The following PXDN variants were observed in gnomAD, a reference collection of about 807,000 sequenced individuals.
The protein encoded by PXDN is peroxidasin homolog.
In PXDN, 77 loss-of-function variants were observed where a neutral mutation model predicts 140.3. The observed-to-expected ratio is 0.55, with a 90% CI of 0.46 to 0.66. The LOEUF (loss-of-function observed/expected upper bound fraction) is 0.66, where lower values mean the gene tolerates loss of function less well. Ranked by LOEUF, PXDN falls within the 30% of genes least tolerant of loss-of-function variation. PXDN has a pLI of 0.00. For synonymous variants in PXDN, 911 were observed against 857.4 expected, an observed-to-expected ratio of 1.06 and a Z score of -1.09; for missense variants, 1,838 against 2,039.5, an observed-to-expected ratio of 0.90 and a Z score of 1.90.
Position 1,643,489 on chromosome 2 carries a change from G to A in PXDN, c.3831C>T (p.Asn1277=), listed in dbSNP as rs369595643. 88 of 1,613,854 alleles carry A rather than the reference G, an allele frequency of 5.5e-5. No individual in the cohort carries two copies. The highest frequency in any genetic ancestry group is 1.6e-4 in the East Asian group (7 of 44,870). ...QTSLARILCD[N]ADNITRVQSD... ...TCTGCACCCGGGTGATGTTGTCCGC[G>A]TTGTCGCATAGGATCCTGGCCAGCG... Residue 1277 remains asparagine, a synonymous_variant, in exon 19 of 23, where the codon AAC becomes AAT. Coordinates refer to ENST00000252804, the MANE Select transcript of PXDN (RefSeq NM_012293.3).
At chr2:1,677,184 A>G in intron 7 of PXDN, 140 bp from the exon 8 acceptor site, 1 of 752,430 alleles carries the variant, frequency 1.3e-6, no homozygotes, top group Middle Eastern at 3.1e-4. Flanking sequence ...CATCCCCCAC[A>G]AAAGTGCCAG....
chr2:1,666,398 G>T lies in PXDN; in HGVS notation c.1107C>A (p.Pro369=), dbSNP rs778872842. The change falls in exon 10 of 23, where the codon CCC becomes CCA. Residue 369 remains proline, a synonymous_variant. Transcript: ENST00000252804. ...CTCTCGTCCAGGAGATCCGCGGCGG[G>T]GGGTGGCCTGTGGCGCTGCACTCCA... is the stretch of plus-strand genomic sequence containing the variant. The part of the protein sequence containing the change: ...VTLECSATGH[P]PPRISWTRGD... 18 of 1,613,772 alleles carry T rather than the reference G, an allele frequency of 1.1e-5. No individual in the cohort carries two copies. The highest frequency in any genetic ancestry group is 3.3e-5 in the Admixed American group (2 of 59,986).
rs74189010 is a variant in PXDN at position 1,714,107 on chromosome 2, G to T, written c.201-20973C>A. On this transcript the variant is annotated intron_variant, in intron 1 of 22. Coordinates refer to ENST00000252804, the MANE Select transcript of PXDN (RefSeq NM_012293.3). The surrounding 1 kb of genome is among the most constrained non-coding windows in gnomAD (Gnocchi z 4.3). Reference sequence around the variant, plus strand: ...TAAACAGCTTCAAGAAAGCGCATCCGTCACCTTTGGTGACTTCCCCGCCAC... The same window carrying T: ...TAAACAGCTTCAAGAAAGCGCATCCTTCACCTTTGGTGACTTCCCCGCCAC... 1.3e-4 allele frequency among the ~76,000 whole-genome samples: 20 copies of T among 152,260 alleles called. No individual in the cohort carries two copies. Among genetic ancestry groups the T allele is most frequent in the African/African-American group, 4.8e-4 (20 of 41,562 alleles).
At chr2:1,658,933 C>T (rs1683238928) in intron 14 of PXDN, among the ~76,000 whole-genome samples, 1 of 152,178 alleles carries the variant, frequency 6.6e-6, no homozygotes, top group Non-Finnish European at 1.5e-5. Context: ...CGGTTCCTCA[C>T]GGACTCCTCA....
At chr2:1,740,309 C>T (rs1685511749) in intron 1 of PXDN, among the ~76,000 whole-genome samples, 1 of 152,176 alleles carries the variant, frequency 6.6e-6, no homozygotes, top group Admixed American at 6.5e-5. Flanking sequence ...GAGAGGTCCT[C>T]TCCGAAAGGC....
intron 9 of PXDN, chr2:1,669,654 A>C (rs1683530165): frequency 6.6e-6 from 1 of 152,154 alleles, no homozygotes. Flanking sequence ...AGCCTGGCCA[A>C]CATGGCGAAA....
chr2:1,657,967 C>T (rs917395226), intron 14 of PXDN, among the ~76,000 whole-genome samples: 1 of 147,188 alleles, frequency 6.8e-6, no homozygotes, highest in Non-Finnish European at 1.5e-5. Context: ...GGACTTGCCC[C>T]CTCACTGTGA....
chr2:1,707,463 C>T (rs1477228641), intron 1 of PXDN, among the ~76,000 whole-genome samples: 1 of 152,250 alleles, frequency 6.6e-6, no homozygotes, highest in African/African-American at 2.4e-5. Context: ...GCCTCATCCA[C>T]GCCTTCTGAA....
intron 14 of PXDN, among the ~76,000 whole-genome samples, chr2:1,658,042 CT>C (rs1683195302): frequency 3.6e-5 from 3 of 82,834 alleles, no homozygotes; most frequent in Non-Finnish European, 7.3e-5. Flanking sequence ...CTCTCTCTCT[CT>C]CTCTCTCTCT....
At chr2:1,658,795 A>C (rs13432129) in intron 14 of PXDN, among the ~76,000 whole-genome samples, 64,035 of 116,876 alleles carry the variant, frequency 0.55, 16,302 homozygotes, top group East Asian at 0.75. Context: ...GGACCCCCCC[A>C]CTCTACTCTC....
chr2:1,673,509 C>A (rs1030702099), intron 9 of PXDN, 134 bp downstream of exon 9: 25 of 1,246,632 alleles, frequency 2.0e-5, no homozygotes, highest in Non-Finnish European at 2.7e-5. Context: ...GCTTTCTGAG[C>A]CAACCCTGGT....
At chr2:1,679,744 G>A (rs201891114) in intron 7 of PXDN, among the ~76,000 whole-genome samples, 2,938 of 149,808 alleles carry the variant, frequency 0.02, 82 homozygotes, top group East Asian at 0.12. Flanking sequence ...TGGTGTGTGC[G>A]TGTATGTGCG....
At chr2:1,686,628 T>C (rs1262909381) in intron 4 of PXDN, among the ~76,000 whole-genome samples, 1 of 152,180 alleles carries the variant, frequency 6.6e-6, no homozygotes, top group East Asian at 1.9e-4. Flanking sequence ...GATACGTCCA[T>C]GTGTTTCTGC....
rs1489643279 is a variant in PXDN at position 1,687,546 on chromosome 2, C to T, written c.416+86G>A. ...GTAGCATAGTCATGCATCATGCAAA[C>T]AGCTAGCTCACTCCACTGGTCCCTA... On this transcript the variant is annotated intron_variant, in intron 4 of 22. Coordinates refer to ENST00000252804, the MANE Select transcript of PXDN (RefSeq NM_012293.3). This position sits in a 1 kb window ranked among gnomAD's most constrained non-coding sequence, Gnocchi z 4.0. 1 of 1,062,274 alleles carries T rather than the reference C, an allele frequency of 9.4e-7. No homozygotes were observed. The highest frequency in any genetic ancestry group is 1.3e-6 in the Non-Finnish European group (1 of 746,558). The allele number at this position is 1,062,274 out of a possible 1,614,324, so 65.8% of individuals were successfully genotyped here.
rs776390269 is a variant in PXDN at position 1,648,960 on chromosome 2, G to A, written c.2820C>T (p.Ile940=). Residue 940 remains isoleucine, a synonymous_variant, in exon 17 of 23, where the codon ATC becomes ATT. Coordinates refer to ENST00000252804, the MANE Select transcript of PXDN (RefSeq NM_012293.3). This position sits in a 1 kb window ranked among gnomAD's most constrained non-coding sequence, Gnocchi z 8.9. ...ASHRGLLRQG[I]VQRSGKPLLP... ...GCAGCGGCTTCCCGGACCGCTGCAC[G>A]ATGCCCTGCCGCAGCAGGCCGCGGT... 30 of 1,607,658 alleles carry A rather than the reference G, an allele frequency of 1.9e-5. No homozygotes were observed. The South Asian group carries it at 2.5e-4, about 14-fold the overall frequency.
intron 7 of PXDN, 105 bp downstream of exon 7, chr2:1,680,088 T>G: frequency 7.7e-7 from 1 of 1,304,374 alleles, no homozygotes; most frequent in Non-Finnish European, 1.0e-6. Context: ...TGTAAATGTG[T>G]GTGTGTGGTG....
intron 1 of PXDN, among the ~76,000 whole-genome samples, chr2:1,715,510 C>A (rs1558523350): frequency 6.6e-6 from 1 of 152,202 alleles, no homozygotes; most frequent in Admixed American, 6.5e-5. Flanking sequence ...AAACAGGACA[C>A]AGGTGCAAAT....
Position 1,676,934 on chromosome 2 carries a change from G to T in PXDN, c.841C>A (p.Arg281=). The change falls in exon 8 of 23, where the codon CGA becomes AGA. Residue 281 remains arginine (R), a synonymous_variant. Coordinates refer to ENST00000252804, the MANE Select transcript of PXDN (RefSeq NM_012293.3). Reference sequence around the variant, plus strand: ...TGTTTGGCCCCAACTCACTTGTTTCGCAGCCAGATGATCTCAGGCTTGGGG... The same window carrying T: ...TGTTTGGCCCCAACTCACTTGTTTCTCAGCCAGATGATCTCAGGCTTGGGG... ...GNPKPEIIWL[R]NNNELSMKTD... 4 of 1,611,120 alleles carry T rather than the reference G, an allele frequency of 2.5e-6. No homozygotes were observed. Among genetic ancestry groups the T allele is most frequent in the Non-Finnish European group, 3.4e-6 (4 of 1,178,770 alleles).
At chr2:1,641,752 C>A (rs1682732827) in intron 19 of PXDN, among the ~76,000 whole-genome samples, 1 of 152,196 alleles carries the variant, frequency 6.6e-6, no homozygotes, top group Non-Finnish European at 1.5e-5. Flanking sequence ...CAAAGACTGG[C>A]TTTAAAGATG....
Sources: gnomAD v4.1 joint callset for allele counts (sites outside exome capture counted in the v4.1 genomes callset) on GRCh38, gnomAD v4.1.1 for gene constraint, Gnocchi (gnomAD v3.1) non-coding constraint, MANE v1.5 for transcripts, NCBI Gene and HGNC (gene_info 2026-07-23, HGNC 2026-07-21) for gene names.